RAD51B: variants seen among roughly 807,000 people sequenced by gnomAD.
RAD51B encodes DNA repair protein RAD51 homolog 2.
In RAD51B, 38 loss-of-function variants were observed where a neutral mutation model predicts 42.2. That is an observed-to-expected ratio of 0.90 (90% CI 0.70 to 1.18). The LOEUF (loss-of-function observed/expected upper bound fraction) is 1.18, where lower values mean the gene tolerates loss of function less well. RAD51B is among the 50% of genes most tolerant of loss of function. The pLI, the probability that RAD51B is intolerant of heterozygous loss-of-function variation, is 0.00. For missense variants in RAD51B, 373 were observed against 400.7 expected (o/e 0.93, Z 0.59); for synonymous variants, 154 against 145.2 (o/e 1.06, Z -0.43).
intron 8 of RAD51B, among the ~76,000 whole-genome samples, chr14:68,381,963 T>G (rs1404186791): frequency 6.6e-6 from 1 of 152,198 alleles, no homozygotes; most frequent in Non-Finnish European, 1.5e-5. Context: ...AACAATCAGA[T>G]GTAATGGCCA....
chr14:68,104,009 C>T (rs2077335147), intron 7 of RAD51B, among the ~76,000 whole-genome samples: 1 of 152,132 alleles, frequency 6.6e-6, no homozygotes, highest in Non-Finnish European at 1.5e-5. Flanking sequence ...CTTACCCAGT[C>T]GCAGGTTTCA....
Position 68,426,355 on chromosome 14 carries a change from C to T in RAD51B, c.957+14828C>T, listed in dbSNP as rs574046351. Reference sequence around the variant, plus strand: ...CCTCCCAAAGTGCTGGGATTACAGGCGTGAGCCACCGGGCCTGGTCAGTAA... The same window carrying T: ...CCTCCCAAAGTGCTGGGATTACAGGTGTGAGCCACCGGGCCTGGTCAGTAA... On this transcript the variant is annotated intron_variant, in intron 9 of 10. Transcript: ENST00000471583. Among the ~76,000 whole-genome samples, 130 of 151,940 alleles carry T rather than the reference C, an allele frequency of 8.6e-4. 1 individual carries two copies. Among genetic ancestry groups the T allele is most frequent in the African/African-American group, 2.9e-3 (122 of 41,418 alleles).
intron 9 of RAD51B, among the ~76,000 whole-genome samples, chr14:68,453,269 A>G (rs576727274): frequency 6.6e-6 from 1 of 152,360 alleles, no homozygotes; most frequent in African/African-American, 2.4e-5. Flanking sequence ...CAAAAAGACA[A>G]AGAGAGCATG....
chr14:68,052,521 A>G (rs961638440), intron 7 of RAD51B, among the ~76,000 whole-genome samples: 1 of 151,970 alleles, frequency 6.6e-6, no homozygotes, highest in Non-Finnish European at 1.5e-5. Flanking sequence ...CCTTACTCCA[A>G]AGTTTACTTC....
At chr14:68,150,222 G>A (rs1449266661) in intron 7 of RAD51B, among the ~76,000 whole-genome samples, 3 of 152,196 alleles carry the variant, frequency 2.0e-5, no homozygotes, top group Non-Finnish European at 4.4e-5. Flanking sequence ...GGGATTACTG[G>A]CATCAGCCAC....
intron 7 of RAD51B, among the ~76,000 whole-genome samples, chr14:68,158,163 G>A (rs962708701): frequency 6.6e-6 from 1 of 151,892 alleles, no homozygotes; most frequent in Admixed American, 6.6e-5. Context: ...AACCTGCCTT[G>A]ACTAAACTCA....
intron 7 of RAD51B, among the ~76,000 whole-genome samples, chr14:68,098,773 T>C (rs558219216): frequency 4.6e-5 from 7 of 152,168 alleles, no homozygotes; most frequent in South Asian, 2.1e-4. Flanking sequence ...ATCACAGTGT[T>C]AGGAAGAAAA....
At chr14:68,560,129 A>C (rs1009223370) in intron 10 of RAD51B, among the ~76,000 whole-genome samples, 1 of 152,168 alleles carries the variant, frequency 6.6e-6, no homozygotes, top group Admixed American at 6.5e-5. Flanking sequence ...TGACGAGCAT[A>C]CTCAGATGTT....
exon 11 of RAD51B, chr14:68,611,184 T>C (rs1223794156): frequency 1.7e-5 from 12 of 702,950 alleles, no homozygotes; most frequent in Non-Finnish European, 2.9e-5. Context: ...TCTCTTCTGC[T>C]CTTCCTCCTA....
chr14:68,640,217 G>A (rs182916012), intron 10 of RAD51B, among the ~76,000 whole-genome samples: 20 of 152,210 alleles, frequency 1.3e-4, no homozygotes, highest in African/African-American at 4.8e-4. Context: ...ACCCAAAGTG[G>A]CCCCAGAAGG....
At chr14:67,845,200 G>A (rs2041569921) in intron 4 of RAD51B, among the ~76,000 whole-genome samples, 1 of 152,180 alleles carries the variant, frequency 6.6e-6, no homozygotes, top group South Asian at 2.1e-4. Context: ...TAGTGGCAAT[G>A]GTCTATGTAC....
At chr14:68,404,902 A>G (rs907176748) in intron 8 of RAD51B, among the ~76,000 whole-genome samples, 1 of 152,190 alleles carries the variant, frequency 6.6e-6, no homozygotes, top group African/African-American at 2.4e-5. Context: ...TTCCATCGGT[A>G]TCCTCCCAGA....
chr14:67,998,964 C>T (rs2075432967), intron 7 of RAD51B, among the ~76,000 whole-genome samples: 1 of 152,050 alleles, frequency 6.6e-6, no homozygotes, highest in East Asian at 1.9e-4. Flanking sequence ...CTCTTTAGCA[C>T]TCTGCCCTGA....
chr14:68,216,790 G>A (rs1383294501), intron 7 of RAD51B, among the ~76,000 whole-genome samples: 1 of 152,060 alleles, frequency 6.6e-6, no homozygotes, highest in Non-Finnish European at 1.5e-5. Flanking sequence ...ACTTGGATAG[G>A]GCTCTTTTCC....
chr14:68,312,714 T>C (rs553001016), intron 8 of RAD51B, among the ~76,000 whole-genome samples: 1 of 152,358 alleles, frequency 6.6e-6, no homozygotes, highest in Non-Finnish European at 1.5e-5. Context: ...TGTCTTGTTC[T>C]GTTTGGTTCA....
chr14:68,444,220 A>G lies in RAD51B; in HGVS notation c.958-23952A>G, dbSNP rs565474478. Among the ~76,000 whole-genome samples, 7 of 152,338 alleles carry G rather than the reference A, an allele frequency of 4.6e-5. 1 individual carries two copies. The highest frequency in any genetic ancestry group is 1.7e-4 in the African/African-American group (7 of 41,588). On this transcript the variant is annotated intron_variant, in intron 9 of 10. Transcript: ENST00000471583. The stretch of plus-strand genomic sequence containing the variant: ...GTGCCTGGCACAGAGCAGATGCCCA[A>G]CTTGTATTTGTTGACTTAAATAAAA...
At chr14:68,188,290 C>T (rs551562202) in intron 7 of RAD51B, among the ~76,000 whole-genome samples, 71 of 145,876 alleles carry the variant, frequency 4.9e-4, no homozygotes, top group Non-Finnish European at 7.7e-4. Context: ...TTTCCTTCTT[C>T]CCTTCTTCCT....
At chr14:67,958,569 A>C (rs1225655233) in intron 7 of RAD51B, among the ~76,000 whole-genome samples, 1 of 152,168 alleles carries the variant, frequency 6.6e-6, no homozygotes, top group African/African-American at 2.4e-5. Context: ...TAAACAAAAA[A>C]CTCAGATAAA....
At chr14:68,613,189 G>A (rs551675206), downstream of RAD51B, among the ~76,000 whole-genome samples, 48 of 152,262 alleles carry the variant, frequency 3.2e-4, no homozygotes, top group Admixed American at 1.3e-3. Flanking sequence ...GCCAAGGTGG[G>A]CAGATCACCT....
Sources: gnomAD v4.1 joint callset for allele counts (sites outside exome capture counted in the v4.1 genomes callset) on GRCh38, gnomAD v4.1.1 for gene constraint, MANE v1.5 for transcripts, NCBI Gene and HGNC (gene_info 2026-07-23, HGNC 2026-07-21) for gene names.